Variants in DMXL2 observed in about 807,000 individuals in gnomAD.
DMXL2 encodes dmX-like protein 2.
Under a neutral mutation model 331.1 loss-of-function variants are expected in DMXL2, and 103 were observed. The observed-to-expected ratio is 0.31, with a 90% CI of 0.27 to 0.37. The LOEUF (loss-of-function observed/expected upper bound fraction) is 0.37, where lower values mean the gene tolerates loss of function less well. Among genes scored for constraint, DMXL2 ranks in the 10% least tolerant of loss-of-function variants. The probability of loss-of-function intolerance (pLI) is 1.00; values close to 1 mark genes in which losing one functional copy is unlikely to be tolerated. For missense variants in DMXL2, 3,171 were observed against 3,642.9 expected, an observed-to-expected ratio of 0.87 and a Z score of 3.33; for synonymous variants, 1,281 against 1,252.1, an observed-to-expected ratio of 1.02 and a Z score of -0.49.
intron 1 of DMXL2, among the ~76,000 whole-genome samples, chr15:51,610,618 A>C (rs2053895851): frequency 6.6e-6 from 1 of 152,078 alleles, no homozygotes; most frequent in African/African-American, 2.4e-5. Flanking sequence ...AATACAAAAA[A>C]TTAGCCGGGC....
intron 17 of DMXL2, 74 bp downstream of exon 17, chr15:51,502,732 C>A: frequency 1.1e-6 from 1 of 942,568 alleles, no homozygotes; most frequent in East Asian, 2.4e-5. Context: ...AAGAGTTCAT[C>A]TATTTTATCC....
chr15:51,492,547 G>C (rs775649185), intron 19 of DMXL2, among the ~76,000 whole-genome samples: 11 of 151,992 alleles, frequency 7.2e-5, no homozygotes, highest in Non-Finnish European at 8.8e-5. Flanking sequence ...TGTTTGAAGA[G>C]GCAACAAAAT....
chr15:51,587,973 A>C (rs1464329704), intron 1 of DMXL2, among the ~76,000 whole-genome samples: 2 of 152,144 alleles, frequency 1.3e-5, no homozygotes, highest in Non-Finnish European at 2.9e-5. Flanking sequence ...TCTTCTTTTG[A>C]GAAGTGTCTG....
At chr15:51,510,933 G>T (rs1567048868) in intron 15 of DMXL2, among the ~76,000 whole-genome samples, 3 of 152,164 alleles carry the variant, frequency 2.0e-5, no homozygotes. Flanking sequence ...ACAAAAACAA[G>T]CAATGGGGAA....
rs549514680 is a variant in DMXL2, at chr15:51,604,905, G to A, written c.87+17554C>T. On this transcript the variant is annotated intron_variant, in intron 1 of 43. Coordinates refer to ENST00000560891, the MANE Select transcript of DMXL2 (RefSeq NM_001378457.1). ...CAAAAGGATAGAGACATAGATCAGT[G>A]CAACAGAATACAGATTCCAGAAATA... Among the ~76,000 whole-genome samples, 3 of 152,280 alleles carry A rather than the reference G, an allele frequency of 2.0e-5. No individual in the cohort carries two copies. The South Asian group carries it at 6.2e-4, about 32-fold the overall frequency.
chr15:51,485,954 A>T, intron 23 of DMXL2, 119 bp downstream of exon 23: 1 of 1,060,296 alleles, frequency 9.4e-7, no homozygotes, highest in Non-Finnish European at 1.3e-6. Context: ...TTTTAATAAT[A>T]AATTCTCAAA....
At chr15:51,535,849 G>T in intron 12 of DMXL2, 65 bp from the exon 13 acceptor site, 1 of 1,505,492 alleles carries the variant, frequency 6.6e-7, no homozygotes, top group South Asian at 1.4e-5. Context: ...TTGGCTAAAG[G>T]ATAAGAAACA....
At chr15:51,453,799 T>C (rs995665921) in intron 40 of DMXL2, among the ~76,000 whole-genome samples, 158 bp from the exon 41 acceptor site, 4 of 152,242 alleles carry the variant, frequency 2.6e-5, no homozygotes, top group African/African-American at 9.6e-5. Flanking sequence ...AGTATGAGGC[T>C]TAACTGTCAT....
intron 1 of DMXL2, among the ~76,000 whole-genome samples, chr15:51,606,183 T>C: frequency 6.6e-6 from 1 of 152,126 alleles, no homozygotes; most frequent in Non-Finnish European, 1.5e-5. Context: ...ACCAACACAC[T>C]TATAGAGATT....
intron 1 of DMXL2, among the ~76,000 whole-genome samples, chr15:51,617,903 A>G (rs532408913): frequency 6.6e-6 from 1 of 152,328 alleles, no homozygotes; most frequent in Non-Finnish European, 1.5e-5. Flanking sequence ...ACGCAGGGAC[A>G]TAAGAACTTA....
At chr15:51,548,734 C>T (rs1397787824) in intron 6 of DMXL2, among the ~76,000 whole-genome samples, 3 of 151,894 alleles carry the variant, frequency 2.0e-5, no homozygotes, top group African/African-American at 4.8e-5. Context: ...ACTGTAAAAC[C>T]ACAACAAAAT....
intron 13 of DMXL2, among the ~76,000 whole-genome samples, chr15:51,517,986 G>A (rs2047131060): frequency 6.6e-6 from 1 of 152,080 alleles, no homozygotes; most frequent in Admixed American, 6.6e-5. Flanking sequence ...TACTGATATG[G>A]GTATGTTCAC....
At position 51,458,599 on chromosome 15, in the gene DMXL2, G is replaced by A; in HGVS notation, c.8105C>T (p.Ser2702Leu). 3 of 1,613,928 alleles carry A rather than the reference G, an allele frequency of 1.9e-6. No homozygotes were observed. Among genetic ancestry groups the A allele is most frequent in the Non-Finnish European group, 1.7e-6 (2 of 1,179,858 alleles). ...ATCAAGTTCTTGAACATCATGTGTT[G>A]AAGCCAAAACAATTTCATTACAATT... ...KANCNEIVLASTHDVQELDVT... is the reference protein window; with the variant it reads ...KANCNEIVLALTHDVQELDVT... The change falls in exon 36 of 44, where the codon TCA (serine) becomes TTA (leucine). Residue 2702 changes from serine to leucine, a missense_variant. Coordinates refer to ENST00000560891, the MANE Select transcript of DMXL2 (RefSeq NM_001378457.1).
Position 51,535,667 on chromosome 15 carries a change from G to A in DMXL2, c.2432C>T (p.Ser811Phe). Residue 811 changes from serine to phenylalanine, a missense_variant, in exon 13 of 44, where the codon TCT (serine) becomes TTT (phenylalanine). By Grantham distance (155) the Ser-to-Phe change is radical. Around this residue, in one of 7 missense-constraint regions of DMXL2, gnomAD observed 1,674 missense variants for 1,780.2 expected, o/e 0.94. Transcript: ENST00000560891. Reference sequence around the variant, plus strand: ...TAAAGATTATTAAATACTTACTGAAGATTCTGGGTCTGACAATTCATCTAA... The same window carrying A: ...TAAAGATTATTAAATACTTACTGAAAATTCTGGGTCTGACAATTCATCTAA... ...KLLDELSDPE[S>F]SKLIGEVFNI... 6.3e-7 allele frequency: 1 copy of A among 1,592,034 alleles called. No homozygotes were observed. Among genetic ancestry groups the A allele is most frequent in the East Asian group, 2.3e-5 (1 of 44,354 alleles).
At chr15:51,613,198 C>T (rs186108123) in intron 1 of DMXL2, among the ~76,000 whole-genome samples, 51 of 151,978 alleles carry the variant, frequency 3.4e-4, no homozygotes, top group East Asian at 7.7e-4. Flanking sequence ...ACGAAGATGA[C>T]GGGATTAAGA....
chr15:51,615,906 G>A (rs1451740362), intron 1 of DMXL2, among the ~76,000 whole-genome samples: 2 of 152,166 alleles, frequency 1.3e-5, no homozygotes, highest in African/African-American at 2.4e-5. Flanking sequence ...ATGTTTATGA[G>A]TTTTTTGTGT....
intron 1 of DMXL2, among the ~76,000 whole-genome samples, chr15:51,605,202 A>C (rs1366935826): frequency 1.3e-5 from 2 of 152,148 alleles, no homozygotes; most frequent in East Asian, 3.9e-4. Flanking sequence ...AAAACATATA[A>C]ATATATGTAT....
At chr15:51,459,505 G>T in intron 34 of DMXL2, 93 bp downstream of exon 34, 1 of 1,056,190 alleles carries the variant, frequency 9.5e-7, no homozygotes, top group Non-Finnish European at 1.3e-6. Context: ...TGAGTAGTTA[G>T]CCAGTTGGGC....
Position 51,499,414 on chromosome 15 carries a change from T to C in DMXL2, c.3810A>G (p.Val1270=), listed in dbSNP as rs775879981. The change falls in exon 18 of 44, where the codon GTA becomes GTG. Residue 1270 remains valine, a synonymous_variant. Coordinates refer to ENST00000560891, the MANE Select transcript of DMXL2 (RefSeq NM_001378457.1). The stretch of plus-strand genomic sequence containing the variant: ...TGACAGCATGCTTCCACTGTGCATA[T>C]ACATGCATTTCACAATCCATTCCTA... ...LVVGMDCEMH[V]YAQWKHAVKF... 3 of 1,613,988 alleles carry C rather than the reference T, an allele frequency of 1.9e-6. No individual in the cohort carries two copies. Among genetic ancestry groups the C allele is most frequent in the African/African-American group, 1.3e-5 (1 of 75,072 alleles).
Sources: allele counts gnomAD v4.1 joint callset (sites outside exome capture counted in the v4.1 genomes callset), GRCh38; gene constraint gnomAD v4.1.1; regional missense constraint gnomAD v4.1.1; transcripts MANE v1.5; gene names NCBI Gene and HGNC (gene_info 2026-07-23, HGNC 2026-07-21).